The following UBE2E2 variants were observed in gnomAD, a reference collection of about 807,000 sequenced individuals.
The protein encoded by UBE2E2 is ubiquitin-conjugating enzyme E2 E2.
Under a neutral mutation model 24.7 loss-of-function variants are expected in UBE2E2, and 6 were observed. The ratio of observed to expected loss-of-function variants is 0.24; its 90% CI spans 0.13 to 0.48. The LOEUF is 0.48. UBE2E2 is among the 20% of genes least tolerant of loss of function. UBE2E2 has a pLI of 0.99. For synonymous variants in UBE2E2, 104 were observed against 83.6 expected, an observed-to-expected ratio of 1.24 and a Z score of -1.33; for missense variants, 169 against 245.0, an observed-to-expected ratio of 0.69 and a Z score of 2.07.
At chr3:23,362,318 C>G (rs1696139137) in intron 3 of UBE2E2, among the ~76,000 whole-genome samples, 1 of 152,112 alleles carries the variant, frequency 6.6e-6, no homozygotes, top group African/African-American at 2.4e-5. Context: ...GGAGCACATC[C>G]CCCTGCGCTT....
chr3:23,289,793 A>T (rs1483386765), intron 3 of UBE2E2, among the ~76,000 whole-genome samples: 1 of 152,264 alleles, frequency 6.6e-6, no homozygotes, highest in Non-Finnish European at 1.5e-5. Context: ...GGTGTCTACC[A>T]GTGACATTAC....
At chr3:23,565,786 T>C (rs1405789868) in intron 5 of UBE2E2, among the ~76,000 whole-genome samples, 1 of 152,202 alleles carries the variant, frequency 6.6e-6, no homozygotes, top group Admixed American at 6.5e-5. Flanking sequence ...TTCAGCATCA[T>C]TGGAAAGGAC....
chr3:23,262,478 A>C (rs1411701357), intron 3 of UBE2E2, among the ~76,000 whole-genome samples: 5 of 152,042 alleles, frequency 3.3e-5, no homozygotes, highest in Non-Finnish European at 5.9e-5. Context: ...ATGCGGTCTC[A>C]TTATGTTGCC....
intron 5 of UBE2E2, among the ~76,000 whole-genome samples, chr3:23,566,333 G>A (rs1016361586): frequency 1.3e-5 from 2 of 152,164 alleles, no homozygotes; most frequent in Non-Finnish European, 2.9e-5. Flanking sequence ...GGATCTCATG[G>A]GGAGTAATGG....
intron 3 of UBE2E2, among the ~76,000 whole-genome samples, chr3:23,419,157 GT>G (rs1412148889): frequency 6.6e-6 from 1 of 151,940 alleles, no homozygotes; most frequent in Non-Finnish European, 1.5e-5. Flanking sequence ...TAGATGTGAG[GT>G]TTTGCTGTGT....
intron 3 of UBE2E2, among the ~76,000 whole-genome samples, chr3:23,409,336 G>A (rs1697445845): frequency 6.6e-6 from 1 of 152,160 alleles, no homozygotes; most frequent in African/African-American, 2.4e-5. Context: ...CCAAACCAAA[G>A]TCAGCGTATT....
At chr3:23,397,269 A>G (rs1697101246) in intron 3 of UBE2E2, among the ~76,000 whole-genome samples, 1 of 152,232 alleles carries the variant, frequency 6.6e-6, no homozygotes, top group Non-Finnish European at 1.5e-5. Flanking sequence ...AAGCTTACAG[A>G]TATGGGATGG....
intron 3 of UBE2E2, among the ~76,000 whole-genome samples, chr3:23,343,487 A>T (rs1695460832): frequency 6.6e-6 from 1 of 152,298 alleles, no homozygotes; most frequent in Admixed American, 6.5e-5. Flanking sequence ...GAGGCAGGAG[A>T]ATCGCTTGAA....
chr3:23,211,441 C>G (rs768987082), intron 2 of UBE2E2, among the ~76,000 whole-genome samples: 3 of 142,734 alleles, frequency 2.1e-5, no homozygotes, highest in Non-Finnish European at 4.5e-5. Context: ...GAGTCTTGCT[C>G]TGTCACCCAG....
intron 3 of UBE2E2, among the ~76,000 whole-genome samples, chr3:23,233,310 A>G (rs559673401): frequency 6.6e-6 from 1 of 152,302 alleles, no homozygotes; most frequent in African/African-American, 2.4e-5. Context: ...GTTGTACATC[A>G]CTTCAGTAAA....
chr3:23,542,719 C>A (rs185233536), intron 5 of UBE2E2, among the ~76,000 whole-genome samples: 1 of 152,208 alleles, frequency 6.6e-6, no homozygotes, highest in African/African-American at 2.4e-5. Flanking sequence ...AATCAGTCGT[C>A]TTTTCAAGAT....
intron 5 of UBE2E2, among the ~76,000 whole-genome samples, chr3:23,552,908 T>C (rs1204136757): frequency 6.6e-6 from 1 of 152,208 alleles, no homozygotes; most frequent in Non-Finnish European, 1.5e-5. Flanking sequence ...AACATGTGTA[T>C]AGCAAAATTA....
At chr3:23,418,102 G>A (rs905430515) in intron 3 of UBE2E2, among the ~76,000 whole-genome samples, 3 of 152,090 alleles carry the variant, frequency 2.0e-5, no homozygotes, top group African/African-American at 7.2e-5. Flanking sequence ...CACCACTGGG[G>A]TATGAAAAAA....
chr3:23,273,113 C>T lies in UBE2E2; in HGVS notation c.227+55801C>T, dbSNP rs142622956. 1.2e-4 allele frequency among the ~76,000 whole-genome samples: 19 copies of T among 152,284 alleles called. No individual in the cohort carries two copies. In the East Asian group the frequency reaches 3.5e-3, roughly 28 times the overall value. On this transcript the variant is annotated intron_variant, in intron 3 of 5. Coordinates refer to ENST00000396703, the MANE Select transcript of UBE2E2 (RefSeq NM_152653.4). The stretch of plus-strand genomic sequence containing the variant: ...TGACCAAATGTCTGGACACTTTGTG[C>T]CCCAGTCAAGTTGACACATAAAATT...
chr3:23,206,523 T>C (rs1696151876), intron 1 of UBE2E2, among the ~76,000 whole-genome samples: 2 of 152,196 alleles, frequency 1.3e-5, no homozygotes, highest in Non-Finnish European at 2.9e-5. Context: ...TCCGTTAGTA[T>C]GTTTCAGAGC....
intron 3 of UBE2E2, among the ~76,000 whole-genome samples, chr3:23,401,602 C>G (rs890099411): frequency 6.6e-6 from 1 of 152,038 alleles, no homozygotes; most frequent in Non-Finnish European, 1.5e-5. Flanking sequence ...TCCTCCTGTC[C>G]CATTCTTCCC....
intron 5 of UBE2E2, among the ~76,000 whole-genome samples, chr3:23,571,708 C>T (rs1657951805): frequency 6.6e-6 from 1 of 152,132 alleles, no homozygotes; most frequent in Admixed American, 6.5e-5. Flanking sequence ...GCTACCTAAG[C>T]AACTCATATC....
chr3:23,580,242 C>T (rs1696444723), intron 5 of UBE2E2, among the ~76,000 whole-genome samples: 1 of 152,206 alleles, frequency 6.6e-6, no homozygotes, highest in Non-Finnish European at 1.5e-5. Flanking sequence ...TACTGTCAAA[C>T]AGCAACATCA....
Position 23,329,559 on chromosome 3 carries a change from C to T in UBE2E2, c.227+112247C>T, listed in dbSNP as rs920691843. 2.6e-5 allele frequency among the ~76,000 whole-genome samples: 4 copies of T among 152,326 alleles called. No homozygotes were observed. In the East Asian group the frequency reaches 7.7e-4, roughly 29 times the overall value. ...CTTTGATGAGAGATTGTTAAATTTT[C>T]TCAATATTATTGTTTCCATTGGTAT... On this transcript the variant is annotated intron_variant, in intron 3 of 5. Coordinates refer to ENST00000396703, the MANE Select transcript of UBE2E2 (RefSeq NM_152653.4).
Sources: allele counts gnomAD v4.1 joint callset (sites outside exome capture counted in the v4.1 genomes callset), GRCh38; gene constraint gnomAD v4.1.1; transcripts MANE v1.5; gene names NCBI Gene and HGNC (gene_info 2026-07-23, HGNC 2026-07-21).